NAALADL2: variants seen among roughly 807,000 people sequenced by gnomAD.
The protein encoded by NAALADL2 is inactive N-acetylated-alpha-linked acidic dipeptidase-like protein 2.
A neutral mutation model predicts 87.2 loss-of-function variants in NAALADL2; 76 were observed. The observed-to-expected ratio is 0.87, with a 90% CI of 0.72 to 1.05. NAALADL2 has a LOEUF of 1.05. Ranked by LOEUF, NAALADL2 falls within the 50% of genes least tolerant of loss-of-function variation. The probability of loss-of-function intolerance (pLI) is 0.00; values close to 1 mark genes in which losing one functional copy is unlikely to be tolerated. For synonymous variants in NAALADL2, 354 were observed against 331.0 expected, an observed-to-expected ratio of 1.07 and a Z score of -0.75; for missense variants, 1,089 against 945.8, an observed-to-expected ratio of 1.15 and a Z score of -1.99.
intron 3 of NAALADL2, among the ~76,000 whole-genome samples, chr3:174,804,308 A>G (rs1719202886): frequency 6.6e-6 from 1 of 152,144 alleles, no homozygotes; most frequent in South Asian, 2.1e-4. Flanking sequence ...ATTTTTGCAC[A>G]TTGATTTTGT....
intron 6 of NAALADL2, among the ~76,000 whole-genome samples, chr3:175,450,346 T>A (rs1361658500): frequency 1.3e-5 from 2 of 152,168 alleles, no homozygotes; most frequent in Non-Finnish European, 2.9e-5. Context: ...ATTATAATTA[T>A]AACATATTGT....
chr3:175,274,988 A>G (rs760259358), intron 4 of NAALADL2, among the ~76,000 whole-genome samples: 1 of 152,212 alleles, frequency 6.6e-6, no homozygotes. Flanking sequence ...TAAGAGGTAT[A>G]ATGTGAAACA....
At chr3:174,802,121 AT>A (rs982563013) in intron 3 of NAALADL2, among the ~76,000 whole-genome samples, 26 of 152,070 alleles carry the variant, frequency 1.7e-4, no homozygotes, top group Non-Finnish European at 2.2e-4. Context: ...AGATTAATAT[AT>A]TTTTTTCTAA....
intron 4 of NAALADL2, among the ~76,000 whole-genome samples, chr3:175,268,325 T>A (rs1482101193): frequency 6.6e-6 from 1 of 152,064 alleles, no homozygotes; most frequent in Non-Finnish European, 1.5e-5. Flanking sequence ...ACAGTAAAAA[T>A]ATGATATAAG....
At chr3:174,820,167 T>C (rs966867998) in intron 3 of NAALADL2, among the ~76,000 whole-genome samples, 23 of 152,176 alleles carry the variant, frequency 1.5e-4, no homozygotes, top group African/African-American at 3.9e-4. Flanking sequence ...CCACAATACA[T>C]AGATGTGAGG....
intron 1 of NAALADL2, among the ~76,000 whole-genome samples, chr3:174,994,749 T>G (rs1305619535): frequency 6.6e-6 from 1 of 152,228 alleles, no homozygotes; most frequent in African/African-American, 2.4e-5. Flanking sequence ...AATCTTAGTC[T>G]ATTTCCGTTT....
chr3:174,953,185 G>A (rs1295934799), intron 1 of NAALADL2, among the ~76,000 whole-genome samples: 1 of 151,702 alleles, frequency 6.6e-6, no homozygotes, highest in Non-Finnish European at 1.5e-5. Flanking sequence ...TTTAAAATGA[G>A]GTCTTGTTTC....
chr3:174,475,863 A>T (rs1717179192), intron 1 of NAALADL2, among the ~76,000 whole-genome samples: 1 of 152,062 alleles, frequency 6.6e-6, no homozygotes, highest in East Asian at 1.9e-4. Flanking sequence ...TTAAGAAAAA[A>T]AATGAAATTC....
Position 174,987,166 on chromosome 3 carries a change from T to G in NAALADL2, c.44-109624T>G, listed in dbSNP as rs115909024. Reference sequence around the variant, plus strand: ...GCTGAAATTTAGGGTTTAAAGGATATCTGTTGATTATGATAAAATAACCAA... The same window carrying G: ...GCTGAAATTTAGGGTTTAAAGGATAGCTGTTGATTATGATAAAATAACCAA... On this transcript the variant is annotated intron_variant, in intron 1 of 13. Coordinates refer to ENST00000454872, the MANE Select transcript of NAALADL2 (RefSeq NM_207015.3). Among the ~76,000 whole-genome samples, 571 of 152,268 alleles carry G rather than the reference T, an allele frequency of 3.7e-3. 4 individuals are homozygous for G. Among genetic ancestry groups the G allele is most frequent in the African/African-American group, 0.013 (535 of 41,546 alleles).
intron 1 of NAALADL2, among the ~76,000 whole-genome samples, chr3:174,495,817 G>C (rs935008712): frequency 2.6e-5 from 4 of 152,156 alleles, no homozygotes; most frequent in Non-Finnish European, 5.9e-5. Context: ...CTATTGAGCT[G>C]TAATTCAATT....
At chr3:174,766,919 C>A (rs1713873182) in intron 3 of NAALADL2, among the ~76,000 whole-genome samples, 1 of 152,156 alleles carries the variant, frequency 6.6e-6, no homozygotes, top group Non-Finnish European at 1.5e-5. Context: ...GCAGAGCCTG[C>A]ATGGACAGCT....
intron 5 of NAALADL2, among the ~76,000 whole-genome samples, chr3:175,387,848 C>T (rs1768592974): frequency 1.3e-5 from 2 of 152,014 alleles, no homozygotes; most frequent in African/African-American, 2.4e-5. Flanking sequence ...AACACTACAA[C>T]TAATCATAAA....
chr3:175,013,372 C>T (rs1248744426), intron 1 of NAALADL2, among the ~76,000 whole-genome samples: 2 of 126,438 alleles, frequency 1.6e-5, no homozygotes, highest in African/African-American at 3.1e-5. Context: ...GATCTCGGCT[C>T]ATTGAAACCT....
intron 9 of NAALADL2, among the ~76,000 whole-genome samples, chr3:175,506,651 G>GA (rs1241233366): frequency 2.0e-5 from 3 of 152,154 alleles, no homozygotes; most frequent in African/African-American, 7.2e-5. Context: ...AAAGTTACAG[G>GA]AAAGACTTAA....
At chr3:174,549,347 A>G (rs1350290735) in intron 1 of NAALADL2, among the ~76,000 whole-genome samples, 4 of 152,326 alleles carry the variant, frequency 2.6e-5, no homozygotes, top group Middle Eastern at 3.4e-3. Context: ...TCAAATGCAG[A>G]TAGTTTAGCA....
chr3:174,830,771 CTT>C (rs1214389006), intron 3 of NAALADL2, among the ~76,000 whole-genome samples: 2 of 152,108 alleles, frequency 1.3e-5, no homozygotes, highest in Non-Finnish European at 1.5e-5. Context: ...TTTGTATCCT[CTT>C]TTATTTCCTT....
At position 174,969,598 on chromosome 3, in the gene NAALADL2, T is replaced by A. The variant is rs187359219; in HGVS notation, c.43+110148T>A. ...ATCCCATAATACAGTAAGAAAATTT[T>A]GATAATAAGAGCAGAATAAATACAG... On this transcript the variant is annotated intron_variant, in intron 1 of 13. Transcript: ENST00000454872. Among the ~76,000 whole-genome samples the A allele has an allele frequency of 1.6e-3, 247 of 152,266 alleles. 2 individuals are homozygous for A. Among genetic ancestry groups the A allele is most frequent in the African/African-American group, 5.5e-3 (229 of 41,572 alleles).
intron 2 of NAALADL2, among the ~76,000 whole-genome samples, chr3:174,640,983 C>A (rs1320018952): frequency 1.3e-5 from 2 of 152,202 alleles, no homozygotes; most frequent in African/African-American, 4.8e-5. Flanking sequence ...GTTCCTTCCC[C>A]CGGGCTGCAC....
intron 3 of NAALADL2, among the ~76,000 whole-genome samples, chr3:175,252,771 G>C (rs2109788905): frequency 6.6e-6 from 1 of 152,316 alleles, no homozygotes; most frequent in East Asian, 1.9e-4. Context: ...AATAATTAGA[G>C]AGCAAAACAG....
Sources: allele counts gnomAD v4.1 joint callset (sites outside exome capture counted in the v4.1 genomes callset), GRCh38; gene constraint gnomAD v4.1.1; transcripts MANE v1.5; gene names NCBI Gene and HGNC (gene_info 2026-07-23, HGNC 2026-07-21).